The following AIG1 variants were observed in gnomAD, a reference collection of about 807,000 sequenced individuals.
AIG1 encodes the protein androgen induced 1.
A neutral mutation model predicts 31.4 loss-of-function variants in AIG1; 23 were observed. That is an observed-to-expected ratio of 0.73 (90% confidence interval 0.53 to 1.04). AIG1 has a LOEUF of 1.04. AIG1 is among the 50% of genes least tolerant of loss of function. The probability of loss-of-function intolerance (pLI) is 0.00; values close to 1 mark genes in which losing one functional copy is unlikely to be tolerated. For missense variants in AIG1, 274 were observed against 295.0 expected, an observed-to-expected ratio of 0.93 and a Z score of 0.52; for synonymous variants, 100 against 110.5, an observed-to-expected ratio of 0.90 and a Z score of 0.60.
chr6:143,319,916 C>G (rs1776067601), intron 4 of AIG1, among the ~76,000 whole-genome samples: 1 of 151,986 alleles, frequency 6.6e-6, no homozygotes, highest in Non-Finnish European at 1.5e-5. Flanking sequence ...AAACAATCAA[C>G]AAAGTGAACA....
chr6:143,335,259 C>T (rs914430753), intron 5 of AIG1: 30 of 659,884 alleles, frequency 4.5e-5, no homozygotes, highest in Admixed American at 8.9e-5. Context: ...TTTGGCTGGG[C>T]GCAGTGGCTC....
intron 2 of AIG1, among the ~76,000 whole-genome samples, chr6:143,144,894 G>A (rs574544193): frequency 6.6e-6 from 1 of 152,306 alleles, no homozygotes; most frequent in Admixed American, 6.5e-5. Flanking sequence ...TAGGAGCAGT[G>A]TCTAAATAAT....
intron 3 of AIG1, among the ~76,000 whole-genome samples, chr6:143,186,230 A>G (rs1434270152): frequency 6.6e-6 from 1 of 152,194 alleles, no homozygotes; most frequent in Non-Finnish European, 1.5e-5. Context: ...TTAAATTGTC[A>G]TTATATTTCA....
intron 1 of AIG1, among the ~76,000 whole-genome samples, chr6:143,119,506 G>A (rs943953146): frequency 1.9e-4 from 29 of 152,190 alleles, no homozygotes; most frequent in Non-Finnish European, 3.4e-4. Context: ...GAAGTGAACA[G>A]CATTGAAGCA....
chr6:143,096,478 C>T (rs989858551), intron 1 of AIG1, among the ~76,000 whole-genome samples: 2 of 152,154 alleles, frequency 1.3e-5, no homozygotes, highest in African/African-American at 4.8e-5. Flanking sequence ...TAATTTAGGC[C>T]TATCTAGCAT....
intron 3 of AIG1, among the ~76,000 whole-genome samples, chr6:143,263,104 G>A (rs1451535325): frequency 6.6e-6 from 1 of 152,090 alleles, no homozygotes; most frequent in African/African-American, 2.4e-5. Flanking sequence ...GATCCGATTA[G>A]TACATCACCT....
At chr6:143,262,563 A>G (rs1795860854) in intron 3 of AIG1, among the ~76,000 whole-genome samples, 1 of 152,224 alleles carries the variant, frequency 6.6e-6, no homozygotes, top group Non-Finnish European at 1.5e-5. Flanking sequence ...TTAACTTACT[A>G]CTTGATAAAT....
At chr6:143,243,698 A>G (rs1452960025) in intron 3 of AIG1, among the ~76,000 whole-genome samples, 1 of 152,228 alleles carries the variant, frequency 6.6e-6, no homozygotes, top group Non-Finnish European at 1.5e-5. Context: ...ACTTTCGATG[A>G]ATTGATCAAG....
At chr6:143,227,632 AT>A (rs1184278695) in intron 3 of AIG1, among the ~76,000 whole-genome samples, 3 of 151,000 alleles carry the variant, frequency 2.0e-5, no homozygotes, top group Admixed American at 6.6e-5. Flanking sequence ...CTTTGGAGTA[AT>A]TTTTTTTTTC....
chr6:143,165,654 G>A (rs1418172275), intron 3 of AIG1, among the ~76,000 whole-genome samples: 1 of 152,204 alleles, frequency 6.6e-6, no homozygotes, highest in Non-Finnish European at 1.5e-5. Flanking sequence ...TTCTTTCAGA[G>A]ATCTGCTGCA....
intron 3 of AIG1, among the ~76,000 whole-genome samples, chr6:143,222,034 C>T (rs1026243556): frequency 1.3e-5 from 2 of 152,178 alleles, no homozygotes; most frequent in African/African-American, 4.8e-5. Context: ...CCCAGCAGTT[C>T]CTCGACTCCT....
chr6:143,077,052 A>G (rs2079033180), intron 1 of AIG1, among the ~76,000 whole-genome samples: 1 of 152,116 alleles, frequency 6.6e-6, no homozygotes, highest in Non-Finnish European at 1.5e-5. Flanking sequence ...TTTTCTAGTG[A>G]TTACCATATA....
intron 1 of AIG1, 198 bp downstream of exon 1, chr6:143,061,264 C>T: frequency 4.1e-6 from 3 of 723,456 alleles, no homozygotes; most frequent in Non-Finnish European, 7.5e-6. Flanking sequence ...TTCTGAACCA[C>T]TCACCGTTAC....
chr6:143,238,233 A>G (rs1289274554), intron 3 of AIG1, among the ~76,000 whole-genome samples: 2 of 151,958 alleles, frequency 1.3e-5, no homozygotes, highest in East Asian at 1.9e-4. Flanking sequence ...GAGCCACCGC[A>G]CCCGGCCCCA....
At chr6:143,282,879 G>T (rs958982150) in intron 3 of AIG1, among the ~76,000 whole-genome samples, 1 of 152,178 alleles carries the variant, frequency 6.6e-6, no homozygotes, top group Non-Finnish European at 1.5e-5. Context: ...TTGCTAGAAT[G>T]CTTATTAGAC....
chr6:143,264,832 A>G (rs1796042615), intron 3 of AIG1, among the ~76,000 whole-genome samples: 1 of 152,208 alleles, frequency 6.6e-6, no homozygotes, highest in Non-Finnish European at 1.5e-5. Flanking sequence ...ACACACCAGC[A>G]AGTCTTATTA....
intron 4 of AIG1, among the ~76,000 whole-genome samples, chr6:143,304,008 C>G (rs542519981): frequency 0.014 from 2,050 of 146,346 alleles, 73 homozygotes; most frequent in African/African-American, 0.046. Context: ...GGAGTTCACT[C>G]ATGATTTGGC....
At chr6:143,066,359 G>A (rs1336697611) in intron 1 of AIG1, among the ~76,000 whole-genome samples, 2 of 151,312 alleles carry the variant, frequency 1.3e-5, no homozygotes, top group African/African-American at 2.4e-5. Context: ...TTCAACCTCC[G>A]CCTCCCAGGT....
Position 143,136,881 on chromosome 6 carries a change from C to G in AIG1, c.188C>G (p.Ser63Cys). ...FFGICVLTDL[S>C]SLLTRGSGNQ... ...GGCATCTGTGTGCTGACTGATCTTT[C>G]CAGTCTTCTGACTCGAGGAAGTGGG... Residue 63 changes from serine to cysteine, a missense_variant, in exon 2 of 6, where the codon TCC becomes TGC. Ser to Cys is a moderately radical substitution (Grantham distance 112). Coordinates refer to ENST00000357847, the MANE Select transcript of AIG1 (RefSeq NM_016108.4). The G allele has an allele frequency of 2.0e-6, 3 of 1,527,208 alleles. No homozygotes were observed. The highest frequency in any genetic ancestry group is 8.9e-7 in the Non-Finnish European group (1 of 1,125,448). The allele number at this position is 1,527,208 out of a possible 1,614,324, so 94.6% of individuals were successfully genotyped here.
Sources: allele counts gnomAD v4.1 joint callset (sites outside exome capture counted in the v4.1 genomes callset), GRCh38; gene constraint gnomAD v4.1.1; transcripts MANE v1.5; gene names NCBI Gene and HGNC (gene_info 2026-07-23, HGNC 2026-07-21).